The following HORMAD2 variants were observed in gnomAD, a reference collection of about 807,000 sequenced individuals.
The protein encoded by HORMAD2 is HORMA domain-containing protein 2.
HORMAD2 carries 45 observed loss-of-function variants against 38.8 expected under a neutral mutation model. The ratio of observed to expected loss-of-function variants is 1.16; its 90% CI spans 0.91 to 1.49. The LOEUF (loss-of-function observed/expected upper bound fraction) is 1.49, where lower values mean the gene tolerates loss of function less well. Ranked by LOEUF, HORMAD2 falls within the 40% of genes most tolerant of loss-of-function variation. The pLI, the probability that HORMAD2 is intolerant of heterozygous loss-of-function variation, is 0.00. For missense variants in HORMAD2, 338 were observed against 367.0 expected, an observed-to-expected ratio of 0.92 and a Z score of 0.65; for synonymous variants, 126 against 122.8, an observed-to-expected ratio of 1.03 and a Z score of -0.17.
intron 7 of HORMAD2, 56 bp downstream of exon 7, chr22:30,112,578 TG>T: frequency 1.3e-6 from 1 of 757,330 alleles, no homozygotes; most frequent in South Asian, 3.2e-5. Flanking sequence ...TATTTTAAGA[TG>T]TTTTTCTGAG....
chr22:30,100,925 A>C (rs960829329), intron 3 of HORMAD2, among the ~76,000 whole-genome samples: 8 of 152,234 alleles, frequency 5.3e-5, no homozygotes, highest in Admixed American at 5.2e-4. Context: ...CTAAAAAGTC[A>C]GGAAACAACA....
chr22:30,111,668 T>A, intron 5 of HORMAD2, 128 bp from the exon 6 acceptor site: 1 of 664,508 alleles, frequency 1.5e-6, no homozygotes, highest in South Asian at 2.4e-5. Flanking sequence ...TCTGGCCTTC[T>A]GGATATTTTT....
chr22:30,176,358 A>T lies in HORMAD2; in HGVS notation c.*191A>T. 1 of 539,682 alleles carries T rather than the reference A, an allele frequency of 1.9e-6. No homozygotes were observed. Among genetic ancestry groups the T allele is most frequent in the South Asian group, 2.4e-5 (1 of 41,612 alleles). The allele number at this position is 539,682 out of a possible 1,614,324, so 33.4% of individuals were successfully genotyped here. A position where few individuals can be genotyped will look rare whatever the true frequency, so the allele number is the denominator to read the frequency against. On this transcript the variant is annotated 3_prime_UTR_variant, in exon 11 of 11. Transcript: ENST00000336726. ...GACGCGAGTCCACTTTGCCATAAGG[A>T]AAGCGGGTCAATAGGGCTGCCTCTG... is the stretch of plus-strand genomic sequence containing the variant.
At chr22:30,078,285 GA>G (rs756272269), upstream of HORMAD2, among the ~76,000 whole-genome samples, 1 of 151,962 alleles carries the variant, frequency 6.6e-6, no homozygotes, top group African/African-American at 2.4e-5. Context: ...GTGATAGAGA[GA>G]AAAAAACAAA....
chr22:30,156,958 A>C (rs1357678574), intron 10 of HORMAD2, among the ~76,000 whole-genome samples: 1 of 152,194 alleles, frequency 6.6e-6, no homozygotes, highest in African/African-American at 2.4e-5. Flanking sequence ...AAATTGTCTG[A>C]GAGGCAAATT....
chr22:30,203,394 C>CCA, the HORMAD2 span, among the ~76,000 whole-genome samples: 1 of 127,876 alleles, frequency 7.8e-6, no homozygotes, highest in Admixed American at 7.9e-5. Flanking sequence ...GACTCTGTCT[C>CCA]AAAAAAAAAA....
intron 10 of HORMAD2, among the ~76,000 whole-genome samples, chr22:30,173,134 G>T (rs1356165304): frequency 6.6e-6 from 1 of 152,200 alleles, no homozygotes; most frequent in South Asian, 2.1e-4. Flanking sequence ...GGCAAGCAGG[G>T]CCCATTAGAA....
intron 1 of HORMAD2, among the ~76,000 whole-genome samples, chr22:30,088,371 C>T (rs927816334): frequency 7.3e-5 from 11 of 151,344 alleles, no homozygotes; most frequent in Middle Eastern, 3.4e-3. Context: ...TTACCAAATG[C>T]TAATATTAAC....
rs1450739984 is a variant in HORMAD2, at chr22:30,176,079, T to C, written c.836T>C (p.Phe279Ser). 3 of 1,612,324 alleles carry C rather than the reference T, an allele frequency of 1.9e-6. No homozygotes were observed. Among genetic ancestry groups the C allele is most frequent in the African/African-American group, 1.3e-5 (1 of 74,868 alleles). ...TTCTCACAGATTCAAAGAATGAATTTTGTGTGCAGTCAGCAAAGTTCTGAG... is the reference window on the plus strand; with the variant it reads ...TTCTCACAGATTCAAAGAATGAATTCTGTGTGCAGTCAGCAAAGTTCTGAG... The part of the protein sequence containing the change: ...ECNDHIQRMN[F>S]VCSQQSSECS... Residue 279 changes from phenylalanine to serine, a missense_variant, in exon 11 of 11, where the codon TTT becomes TCT. Coordinates refer to ENST00000336726, the MANE Select transcript of HORMAD2 (RefSeq NM_152510.4).
At chr22:30,111,681 C>T in intron 5 of HORMAD2, 115 bp from the exon 6 acceptor site, 1 of 784,412 alleles carries the variant, frequency 1.3e-6, no homozygotes, top group Non-Finnish European at 2.0e-6. Context: ...ATATTTTTTT[C>T]CTACCCAAAT....
At chr22:30,180,601 C>A (rs1478686734), downstream of HORMAD2, among the ~76,000 whole-genome samples, 1 of 152,164 alleles carries the variant, frequency 6.6e-6, no homozygotes, top group East Asian at 1.9e-4. Context: ...TCTATAAAAT[C>A]TGAATAATAA....
intron 10 of HORMAD2, among the ~76,000 whole-genome samples, chr22:30,159,499 A>G (rs2146212836): frequency 6.6e-6 from 1 of 152,356 alleles, no homozygotes; most frequent in East Asian, 1.9e-4. Flanking sequence ...TATCTTTCAT[A>G]GGAAATATTA....
rs749078745 is a variant in HORMAD2, at chr22:30,103,402, G to A, written c.194-35G>A. On this transcript the variant is annotated intron_variant, in intron 3 of 10. Transcript: ENST00000336726. ...ACAATTTCAGTACAGCAGTCATTTA[G>A]TAGATAAAAATAGACTGTGTTTCTG... 2.9e-5 allele frequency: 35 copies of A among 1,192,520 alleles called. No homozygotes were observed. The South Asian group carries it at 4.4e-4, about 15-fold the overall frequency. The allele number at this position is 1,192,520 out of a possible 1,614,324, so 73.9% of individuals were successfully genotyped here. A position where few individuals can be genotyped will look rare whatever the true frequency, so the allele number is the denominator to read the frequency against.
At chr22:30,182,515 A>G in the HORMAD2 span, among the ~76,000 whole-genome samples, 1 of 152,226 alleles carries the variant, frequency 6.6e-6, no homozygotes, top group Non-Finnish European at 1.5e-5. Context: ...TTAAAGCTAA[A>G]CAAGCGACAG....
At chr22:30,170,162 C>T (rs1926021051) in intron 10 of HORMAD2, among the ~76,000 whole-genome samples, 1 of 152,140 alleles carries the variant, frequency 6.6e-6, no homozygotes, top group Non-Finnish European at 1.5e-5. Flanking sequence ...TAGACATAAA[C>T]TTAACTACAA....
At chr22:30,101,141 T>A (rs557024089) in intron 3 of HORMAD2, among the ~76,000 whole-genome samples, 24 of 152,336 alleles carry the variant, frequency 1.6e-4, no homozygotes, top group African/African-American at 5.8e-4. Flanking sequence ...CACATATGTT[T>A]ATTGCAGCAC....
intron 5 of HORMAD2, among the ~76,000 whole-genome samples, chr22:30,107,119 T>C (rs1268359067): frequency 6.6e-6 from 1 of 152,180 alleles, no homozygotes; most frequent in Non-Finnish European, 1.5e-5. Flanking sequence ...TGCCTAAGCA[T>C]TGGATGAGAT....
chr22:30,183,719 A>G, the HORMAD2 span, among the ~76,000 whole-genome samples: 1 of 152,224 alleles, frequency 6.6e-6, no homozygotes, highest in African/African-American at 2.4e-5. Context: ...TAATATAAGA[A>G]AATATTCAGA....
At chr22:30,106,580 T>A in intron 5 of HORMAD2, among the ~76,000 whole-genome samples, 1 of 152,142 alleles carries the variant, frequency 6.6e-6, no homozygotes, top group East Asian at 1.9e-4. Flanking sequence ...TACTGAACAG[T>A]GCTCACTCAT....
Sources: gnomAD v4.1 joint callset for allele counts (sites outside exome capture counted in the v4.1 genomes callset) on GRCh38, gnomAD v4.1.1 for gene constraint, MANE v1.5 for transcripts, NCBI Gene and HGNC (gene_info 2026-07-23, HGNC 2026-07-21) for gene names.